The following PSIP1 variants were observed in gnomAD, a reference collection of about 807,000 sequenced individuals.
PSIP1 encodes PC4 and SRSF1 interacting protein 1.
In PSIP1, 19 loss-of-function variants were observed where a neutral mutation model predicts 74.7. The observed-to-expected ratio is 0.25, with a 90% CI of 0.18 to 0.37. PSIP1 has a LOEUF of 0.37. PSIP1 is among the 10% of genes least tolerant of loss of function. PSIP1 has a pLI of 1.00. For synonymous variants in PSIP1, 222 were observed against 195.3 expected (o/e 1.14, Z -1.14); for missense variants, 601 against 614.3 (o/e 0.98, Z 0.23).
intron 6 of PSIP1, among the ~76,000 whole-genome samples, chr9:15,482,433 C>A (rs1021875928): frequency 1.3e-5 from 2 of 152,188 alleles, no homozygotes; most frequent in Non-Finnish European, 1.5e-5. Flanking sequence ...TGTACCACAT[C>A]CAAAGTCTTG....
At chr9:15,484,301 A>C in intron 6 of PSIP1, among the ~76,000 whole-genome samples, 1 of 150,134 alleles carries the variant, frequency 6.7e-6, no homozygotes. Context: ...ATCAAAAAAA[A>C]AAATATATAT....
chr9:15,496,288 T>C (rs758222980), intron 3 of PSIP1, among the ~76,000 whole-genome samples: 9 of 152,348 alleles, frequency 5.9e-5, no homozygotes, highest in Admixed American at 3.3e-4. Context: ...ACAGGAACTA[T>C]GTAAAGCTAA....
rs574153286 is a variant in PSIP1, at chr9:15,479,222, C to T, written c.553+369G>A. ...TCAAAATCCCTATCAATAAAGAACG[C>T]ACAAATTTAAAATATTAATGACTTT... On this transcript the variant is annotated intron_variant, in intron 7 of 15. Transcript: ENST00000380733. 2.0e-5 allele frequency among the ~76,000 whole-genome samples: 3 copies of T among 152,152 alleles called. No homozygotes were observed. The South Asian group carries it at 6.2e-4, about 32-fold the overall frequency.
rs2036251467 is a variant in PSIP1 at position 15,479,672 on chromosome 9, C to G, written c.472G>C (p.Glu158Gln). ...GTCACTACTCCTGCCTCCTCAGTTT[C>G]TACTTGTTTTTCTGCCTGAATTACA... ...GRKRKAEKQV[E>Q]TEEAGVVTTA... Residue 158 changes from glutamate to glutamine, a missense_variant, in exon 7 of 16, where the codon GAA becomes CAA. By Grantham distance (29) the Glu-to-Gln change is conservative. This residue lies in a region of PSIP1 where 538 missense variants were observed against 507.6 expected (regional missense o/e 1.06). Coordinates refer to ENST00000380733, the MANE Select transcript of PSIP1 (RefSeq NM_033222.5). 6.2e-7 allele frequency: 1 copy of G among 1,612,432 alleles called. No homozygotes were observed. The highest frequency in any genetic ancestry group is 8.5e-7 in the Non-Finnish European group (1 of 1,179,464).
Position 15,472,738 on chromosome 9 carries a change from C to T in PSIP1, c.871G>A (p.Gly291Arg), listed in dbSNP as rs768201275. ...CTGTGAGCAGTCTGAAAGTTCCTCC[C>T]ACCTTTTCTCTTCTGTTTTGAGAAT... ...DQEGEKKRKGGRNFQTAHRRN... is the reference protein window; with the variant it reads ...DQEGEKKRKGRRNFQTAHRRN... Residue 291 changes from glycine (G) to arginine (R), a missense_variant, in exon 10 of 16, where the codon GGG becomes AGG. Coordinates refer to ENST00000380733, the MANE Select transcript of PSIP1 (RefSeq NM_033222.5). 2 of 1,604,708 alleles carry T rather than the reference C, an allele frequency of 1.2e-6. No individual in the cohort carries two copies. The highest frequency in any genetic ancestry group is 8.5e-7 in the Non-Finnish European group (1 of 1,177,766).
chr9:15,489,608 C>CAAAAAAAAAAAAAAAAAAAAAA (rs1278277874), intron 4 of PSIP1, among the ~76,000 whole-genome samples: 1 of 45,542 alleles, frequency 2.2e-5, no homozygotes. Context: ...AACTACACCT[C>CAAAAAAAAAAAAAAAAAAAAAA]AAAAAAAAAA....
intron 3 of PSIP1, among the ~76,000 whole-genome samples, chr9:15,499,088 G>A (rs896484075): frequency 2.0e-5 from 3 of 152,154 alleles, no homozygotes; most frequent in African/African-American, 7.2e-5. Flanking sequence ...TCATTTTAAA[G>A]ATGAGAAAAT....
At chr9:15,504,780 T>G (rs572608566) in intron 3 of PSIP1, among the ~76,000 whole-genome samples, 10 of 148,894 alleles carry the variant, frequency 6.7e-5, no homozygotes, top group Non-Finnish European at 1.2e-4. Flanking sequence ...CAGACAAAAA[T>G]CAGAATTAAA....
At chr9:15,500,368 G>A (rs1444609758) in intron 3 of PSIP1, among the ~76,000 whole-genome samples, 1 of 152,142 alleles carries the variant, frequency 6.6e-6, no homozygotes, top group South Asian at 2.1e-4. Flanking sequence ...GGGAGGCTGA[G>A]GCAGGAGAAT....
chr9:15,469,887 A>G (rs377155524), intron 11 of PSIP1, 51 bp downstream of exon 11: 1 of 1,463,320 alleles, frequency 6.8e-7, no homozygotes, highest in Non-Finnish European at 9.5e-7. Flanking sequence ...TGTCTATATA[A>G]CTTCTTTTCC....
intron 10 of PSIP1, chr9:15,470,850 T>C (rs974697213): frequency 4.3e-5 from 46 of 1,062,386 alleles, no homozygotes; most frequent in Non-Finnish European, 5.1e-5. Flanking sequence ...AATTTTTATA[T>C]TTTCTAGATG....
In PSIP1 at chr9:15,465,331, C is replaced by G. The variant is rs78000483; in HGVS notation, c.*189G>C. 4 of 540,020 alleles carry G rather than the reference C, an allele frequency of 7.4e-6. No individual in the cohort carries two copies. The East Asian group carries it at 1.3e-4, about 17-fold the overall frequency. 33.5% of individuals were successfully genotyped at this position (540,020 alleles called of 1,614,324 possible). A position where few individuals can be genotyped will look rare whatever the true frequency, so the allele number is the denominator to read the frequency against. ...ATCCCACATTTACTGTATAATGTAG[C>G]TGTTAATACTGCACAAGTACACTTA... On this transcript the variant is annotated 3_prime_UTR_variant, in exon 16 of 16. Coordinates refer to ENST00000380733, the MANE Select transcript of PSIP1 (RefSeq NM_033222.5).
rs1190150392 is a variant in PSIP1, at chr9:15,466,854, T to C, written c.1426A>G (p.Lys476Glu). ...KKLEKEQTGS[K>E]TLNGGSDAQD... is the part of the protein sequence containing the mutation. ...GCATCAGATCCTCCATTTAGAGTCTTTGACCCTTGCGAAGGAATCCAATGG... is the reference window on the plus strand; with the variant it reads ...GCATCAGATCCTCCATTTAGAGTCTCTGACCCTTGCGAAGGAATCCAATGG... The change falls in exon 15 of 16, where the codon AAG (lysine) becomes GAG (glutamate). Residue 476 changes from lysine (K) to glutamate (E), a missense_variant. By Grantham distance (56) the Lys-to-Glu change is moderately conservative. This residue lies in a region of PSIP1 where 538 missense variants were observed against 507.6 expected (regional missense o/e 1.06). Transcript: ENST00000380733. 2.5e-6 allele frequency: 4 copies of C among 1,610,424 alleles called. No homozygotes were observed. Among genetic ancestry groups the C allele is most frequent in the Non-Finnish European group, 3.4e-6 (4 of 1,178,698 alleles).
intron 3 of PSIP1, among the ~76,000 whole-genome samples, chr9:15,492,790 G>A (rs570533628): frequency 3.3e-5 from 5 of 152,294 alleles, no homozygotes; most frequent in East Asian, 3.9e-4. Context: ...CTGCACATCC[G>A]CAGACCCAAC....
chr9:15,501,133 T>C (rs1228795086), intron 3 of PSIP1, among the ~76,000 whole-genome samples: 1 of 152,066 alleles, frequency 6.6e-6, no homozygotes, highest in East Asian at 1.9e-4. Context: ...CAAATATAAG[T>C]AACCTGCCCA....
chr9:15,498,952 G>T, intron 3 of PSIP1, among the ~76,000 whole-genome samples: 1 of 151,970 alleles, frequency 6.6e-6, no homozygotes, highest in East Asian at 1.9e-4. Flanking sequence ...CTAAAAAATA[G>T]GAGTAAAAAG....
chr9:15,495,405 G>C (rs1181573780), intron 3 of PSIP1, among the ~76,000 whole-genome samples: 1 of 152,090 alleles, frequency 6.6e-6, no homozygotes, highest in African/African-American at 2.4e-5. Context: ...AGTTACGATT[G>C]TTCTGTGACC....
chr9:15,500,438 T>A (rs1469694945), intron 3 of PSIP1, among the ~76,000 whole-genome samples: 1 of 151,392 alleles, frequency 6.6e-6, no homozygotes, highest in East Asian at 1.9e-4. Context: ...GCCACTGCAC[T>A]CCAGCCTGGG....
At chr9:15,472,069 T>C (rs1418840019) in intron 10 of PSIP1, 1 of 978,932 alleles carries the variant, frequency 1.0e-6, no homozygotes, top group Non-Finnish European at 1.2e-6. Context: ...AAATTCCCCA[T>C]GGCAAGTCCT....
Sources: allele counts gnomAD v4.1 joint callset (sites outside exome capture counted in the v4.1 genomes callset), GRCh38; gene constraint gnomAD v4.1.1; regional missense constraint gnomAD v4.1.1; transcripts MANE v1.5; gene names NCBI Gene and HGNC (gene_info 2026-07-23, HGNC 2026-07-21).